LRRN2: variants seen among roughly 807,000 people sequenced by gnomAD.
LRRN2 encodes the protein leucine rich repeat neuronal 2.
In LRRN2, 10 loss-of-function variants were observed where a neutral mutation model predicts 35.7. The observed-to-expected ratio is 0.28, with a 90% CI of 0.17 to 0.47. LRRN2 has a LOEUF of 0.47. Ranked by LOEUF, LRRN2 falls within the 20% of genes least tolerant of loss-of-function variation. The probability of loss-of-function intolerance (pLI) is 0.99; values close to 1 mark genes in which losing one functional copy is unlikely to be tolerated. For synonymous variants in LRRN2, 391 were observed against 409.6 expected (o/e 0.95, Z 0.55); for missense variants, 731 against 940.3 (o/e 0.78, Z 2.91).
In LRRN2 at chr1:204,619,811, G is replaced by T; in HGVS notation, c.182C>A (p.Thr61Lys). 1 of 1,614,042 alleles carries T rather than the reference G, an allele frequency of 6.2e-7. No individual in the cohort carries two copies. Among genetic ancestry groups the T allele is most frequent in the Non-Finnish European group, 8.5e-7 (1 of 1,179,940 alleles). The change falls in exon 2 of 2, where the codon ACG becomes AAG. Residue 61 changes from threonine to lysine, a missense_variant. By Grantham distance (78) the Thr-to-Lys change is moderately conservative. Around this residue, in one of 3 missense-constraint regions of LRRN2, gnomAD observed 246 missense variants for 289.5 expected, o/e 0.85. Transcript: ENST00000367177. ...TGCGGGGAGTGCCGGGGGGACTGCC[G>T]TCAGGAATAGGTCATTGCAGTCCAC... Reference protein sequence around the residue: ...TTVDCNDLFLTAVPPALPAGT... With the variant: ...TTVDCNDLFLKAVPPALPAGT...
rs1282306008 is a variant in LRRN2 at position 204,631,256 on chromosome 1, C to CAATCTATTATA, written c.-226-11039_-226-11038insTATAATAGATT. Among the ~76,000 whole-genome samples, 3 of 36,918 alleles carry CAATCTATTATA rather than the reference C, an allele frequency of 8.1e-5. No homozygotes were observed. The East Asian group carries it at 2.5e-3, about 30-fold the overall frequency. The allele number at this position is 36,918 out of a possible 152,430, so 24.2% of individuals were successfully genotyped here. A position where few individuals can be genotyped will look rare whatever the true frequency, so the allele number is the denominator to read the frequency against. On this transcript the variant is annotated intron_variant, in intron 1 of 1. Transcript: ENST00000367177. ...CAAGAAGAGTGATACCTAGAGTGTT[C>CAATCTATTATA]TATATATATATATATATATATATAT...
At chr1:204,627,867 A>G (rs1667517679) in intron 1 of LRRN2, among the ~76,000 whole-genome samples, 1 of 152,230 alleles carries the variant, frequency 6.6e-6, no homozygotes. Context: ...TGAGGCAGGA[A>G]CTGTGCTTCA....
intron 1 of LRRN2, among the ~76,000 whole-genome samples, chr1:204,671,634 A>G (rs1668714064): frequency 9.0e-6 from 1 of 111,016 alleles, no homozygotes; most frequent in Non-Finnish European, 1.8e-5. Context: ...GAGGAAGGTA[A>G]TTGATGGTAA....
At chr1:204,631,714 G>A (rs1667709873) in intron 1 of LRRN2, among the ~76,000 whole-genome samples, 1 of 152,124 alleles carries the variant, frequency 6.6e-6, no homozygotes, top group African/African-American at 2.4e-5. Context: ...CACAGGGGTA[G>A]TGTTGCTGGG....
At chr1:204,627,570 A>G (rs1667489283) in intron 1 of LRRN2, among the ~76,000 whole-genome samples, 2 of 152,148 alleles carry the variant, frequency 1.3e-5, no homozygotes, top group African/African-American at 2.4e-5. Flanking sequence ...AGCCTACCTC[A>G]TTATTTCTTA....
chr1:204,653,233 G>A (rs901609007), intron 1 of LRRN2, among the ~76,000 whole-genome samples: 5 of 152,182 alleles, frequency 3.3e-5, no homozygotes, highest in African/African-American at 1.2e-4. Flanking sequence ...ATTCTCATCT[G>A]CAAGATACAA....
chr1:204,662,957 T>C (rs2102619287), intron 1 of LRRN2, among the ~76,000 whole-genome samples: 2 of 152,020 alleles, frequency 1.3e-5, no homozygotes, highest in South Asian at 4.2e-4. Flanking sequence ...AGAAGGGAAA[T>C]GGAGGCCCAG....
At chr1:204,672,374 C>T (rs1462977230) in intron 1 of LRRN2, among the ~76,000 whole-genome samples, 3 of 152,128 alleles carry the variant, frequency 2.0e-5, no homozygotes, top group African/African-American at 7.2e-5. Context: ...TAGGGCTCCC[C>T]AAGTGGGGCT....
intron 1 of LRRN2, among the ~76,000 whole-genome samples, chr1:204,638,676 C>A (rs1410856692): frequency 1.2e-4 from 18 of 152,084 alleles, no homozygotes; most frequent in Non-Finnish European, 1.5e-5. Context: ...TCCCAAAGTG[C>A]TGGGATTACA....
intron 1 of LRRN2, among the ~76,000 whole-genome samples, chr1:204,640,556 G>A (rs977008293): frequency 3.9e-5 from 6 of 152,156 alleles, no homozygotes; most frequent in African/African-American, 1.4e-4. Flanking sequence ...CTTCCGAGGA[G>A]ACGGTGAGGC....
chr1:204,667,908 C>T (rs1001368682), intron 1 of LRRN2, among the ~76,000 whole-genome samples: 8 of 152,236 alleles, frequency 5.3e-5, no homozygotes, highest in African/African-American at 9.6e-5. Flanking sequence ...GCAGAAGCCA[C>T]GCCAGGGAGG....
intron 1 of LRRN2, among the ~76,000 whole-genome samples, chr1:204,648,467 C>T (rs1668155273): frequency 6.6e-6 from 1 of 152,166 alleles, no homozygotes; most frequent in South Asian, 2.1e-4. Flanking sequence ...CCCCGCAGCA[C>T]CTCCAGTTCG....
At chr1:204,650,822 T>C (rs1480163545) in intron 1 of LRRN2, among the ~76,000 whole-genome samples, 4 of 151,928 alleles carry the variant, frequency 2.6e-5, no homozygotes, top group African/African-American at 2.4e-5. Context: ...CTTGGGGGGA[T>C]AGATGGACAA....
At chr1:204,635,160 A>G (rs1287125299) in intron 1 of LRRN2, among the ~76,000 whole-genome samples, 3 of 152,220 alleles carry the variant, frequency 2.0e-5, no homozygotes, top group Non-Finnish European at 4.4e-5. Flanking sequence ...AGATATATGC[A>G]TAAAAGATGT....
At chr1:204,650,210 G>A (rs902096712) in intron 1 of LRRN2, among the ~76,000 whole-genome samples, 7 of 152,240 alleles carry the variant, frequency 4.6e-5, no homozygotes, top group Non-Finnish European at 8.8e-5. Context: ...GAGGGAGCAG[G>A]AATCACTTAG....
chr1:204,659,020 A>G (rs1668415382), intron 1 of LRRN2, among the ~76,000 whole-genome samples: 2 of 152,184 alleles, frequency 1.3e-5, no homozygotes, highest in Admixed American at 6.5e-5. Context: ...TCAGTCTGAC[A>G]TGAAATAGTA....
intron 1 of LRRN2, chr1:204,626,676 T>C (rs1667392863): frequency 1.3e-5 from 2 of 152,220 alleles, no homozygotes; most frequent in East Asian, 3.9e-4. Flanking sequence ...GAGGAAAGGA[T>C]GGTTTGTTAC....
chr1:204,666,592 A>G (rs1668578066), intron 1 of LRRN2, among the ~76,000 whole-genome samples: 1 of 152,182 alleles, frequency 6.6e-6, no homozygotes, highest in African/African-American at 2.4e-5. Flanking sequence ...GTTATACTAC[A>G]TGGTGACAAA....
At chr1:204,621,145 C>G (rs1451007334) in intron 1 of LRRN2, 1 of 167,220 alleles carries the variant, frequency 6.0e-6, no homozygotes. Context: ...TTCCCAACAG[C>G]CTGGCAGTGT....
Sources: gnomAD v4.1 joint callset for allele counts (sites outside exome capture counted in the v4.1 genomes callset) on GRCh38, gnomAD v4.1.1 for gene constraint, gnomAD v4.1.1 regional missense constraint, MANE v1.5 for transcripts, NCBI Gene and HGNC (gene_info 2026-07-23, HGNC 2026-07-21) for gene names.